The following LRMDA variants were observed in gnomAD, a reference collection of about 807,000 sequenced individuals.
The protein encoded by LRMDA is leucine rich melanocyte differentiation associated.
LRMDA carries 18 observed loss-of-function variants against 29.8 expected under a neutral mutation model. The observed-to-expected ratio is 0.60, with a 90% CI of 0.42 to 0.90. The LOEUF (loss-of-function observed/expected upper bound fraction) is 0.90. Among genes scored for constraint, LRMDA ranks in the 40% least tolerant of loss-of-function variants. The probability of loss-of-function intolerance (pLI) is 0.00; values close to 1 mark genes in which losing one functional copy is unlikely to be tolerated. For missense variants in LRMDA, 273 were observed against 273.9 expected, an observed-to-expected ratio of 1.00 and a Z score of 0.02; for synonymous variants, 125 against 109.4, an observed-to-expected ratio of 1.14 and a Z score of -0.89.
intron 2 of LRMDA, among the ~76,000 whole-genome samples, chr10:75,621,632 G>A (rs1841187789): frequency 2.0e-5 from 3 of 152,220 alleles, no homozygotes; most frequent in Admixed American, 2.0e-4. Flanking sequence ...AAACAGGTCT[G>A]TGGGGAGCAA....
chr10:76,370,013 C>A (rs79125688), intron 6 of LRMDA, among the ~76,000 whole-genome samples: 15,985 of 151,940 alleles, frequency 0.11, 971 homozygotes, highest in East Asian at 0.3. Context: ...CAAGACTGTA[C>A]CTATAATTTA....
chr10:75,726,176 G>A (rs1278387100), intron 2 of LRMDA, among the ~76,000 whole-genome samples: 1 of 152,234 alleles, frequency 6.6e-6, no homozygotes, highest in Non-Finnish European at 1.5e-5. Context: ...GAAGGGCCCT[G>A]TTAACTGGGG....
chr10:75,836,325 A>G (rs1391960993), intron 2 of LRMDA, among the ~76,000 whole-genome samples: 1 of 152,210 alleles, frequency 6.6e-6, no homozygotes, highest in Non-Finnish European at 1.5e-5. Context: ...GTCCTCCACA[A>G]GCAAACCAGG....
At chr10:75,954,271 T>C (rs1846627534) in intron 2 of LRMDA, among the ~76,000 whole-genome samples, 1 of 152,164 alleles carries the variant, frequency 6.6e-6, no homozygotes, top group Non-Finnish European at 1.5e-5. Context: ...AGAACCCAGC[T>C]GAGGGGTGGA....
chr10:75,707,336 G>C (rs1842381860), intron 2 of LRMDA, among the ~76,000 whole-genome samples: 1 of 152,200 alleles, frequency 6.6e-6, no homozygotes, highest in Non-Finnish European at 1.5e-5. Context: ...ACTGAAGGCT[G>C]CTCTGAAAGA....
intron 2 of LRMDA, among the ~76,000 whole-genome samples, chr10:75,638,566 A>G (rs1369053963): frequency 6.6e-6 from 1 of 151,836 alleles, no homozygotes; most frequent in African/African-American, 2.4e-5. Context: ...ATTTGATGAA[A>G]CCGTTTGTGA....
intron 6 of LRMDA, among the ~76,000 whole-genome samples, chr10:76,373,043 G>T (rs766928380): frequency 2.0e-5 from 3 of 152,108 alleles, no homozygotes; most frequent in African/African-American, 2.4e-5. Context: ...AGACCATGTG[G>T]AATCTAGCAT....
chr10:75,845,813 G>A (rs901459664), intron 2 of LRMDA, among the ~76,000 whole-genome samples: 12 of 152,290 alleles, frequency 7.9e-5, no homozygotes, highest in African/African-American at 1.9e-4. Flanking sequence ...GGCCCTCTGC[G>A]TTGCATCCTT....
rs146552376 is a variant in LRMDA at position 76,365,062 on chromosome 10, GTA to G, written c.601+40586_601+40587del. Among the ~76,000 whole-genome samples the G allele has an allele frequency of 8.4e-4, 80 of 95,796 alleles. 1 individual carries two copies. The highest frequency in any genetic ancestry group is 2.6e-3 in the African/African-American group (61 of 23,114). 62.8% of individuals were successfully genotyped at this position (95,796 alleles called of 152,430 possible). A position where few individuals can be genotyped will look rare whatever the true frequency, so the allele number is the denominator to read the frequency against. ...TTTTATGGCTGCATAGTATTCCATCGTATATATATACACACACACACACATAT... is the reference window on the plus strand; with the variant it reads ...TTTTATGGCTGCATAGTATTCCATCGTATATATACACACACACACACATAT... On this transcript the variant is annotated intron_variant, in intron 6 of 6. Coordinates refer to ENST00000611255, the MANE Select transcript of LRMDA (RefSeq NM_001305581.2).
chr10:76,540,188 G>T (rs1843338193), intron 6 of LRMDA, among the ~76,000 whole-genome samples: 1 of 150,538 alleles, frequency 6.6e-6, no homozygotes, highest in Non-Finnish European at 1.5e-5. Context: ...ACACACATTA[G>T]TGCCTGCACA....
intron 5 of LRMDA, among the ~76,000 whole-genome samples, chr10:76,100,677 A>T (rs1355686394): frequency 2.0e-5 from 3 of 152,166 alleles, no homozygotes; most frequent in Non-Finnish European, 4.4e-5. Context: ...CATTTTCCTC[A>T]GATACAGTAT....
intron 5 of LRMDA, among the ~76,000 whole-genome samples, chr10:76,065,174 T>G (rs1848763398): frequency 6.6e-6 from 1 of 152,248 alleles, no homozygotes; most frequent in African/African-American, 2.4e-5. Flanking sequence ...CTTAAAGATT[T>G]TGTATTTCTC....
intron 6 of LRMDA, among the ~76,000 whole-genome samples, chr10:76,542,455 T>A (rs987177216): frequency 1.3e-5 from 2 of 152,196 alleles, no homozygotes; most frequent in Non-Finnish European, 2.9e-5. Flanking sequence ...ACTGCCGTGA[T>A]GAGATATAAC....
At chr10:76,518,851 C>T (rs1843090831) in intron 6 of LRMDA, among the ~76,000 whole-genome samples, 1 of 152,116 alleles carries the variant, frequency 6.6e-6, no homozygotes. Flanking sequence ...GAACTGTGCA[C>T]AGAGAACACA....
chr10:75,872,609 G>A (rs1213928305), intron 2 of LRMDA, among the ~76,000 whole-genome samples: 1 of 152,060 alleles, frequency 6.6e-6, no homozygotes. Flanking sequence ...TGGCTGATTT[G>A]TTCTATTCTC....
At chr10:75,765,235 A>G (rs1207562626) in intron 2 of LRMDA, among the ~76,000 whole-genome samples, 13 of 149,194 alleles carry the variant, frequency 8.7e-5, no homozygotes, top group Non-Finnish European at 8.9e-5. Context: ...TTCTTTTCCT[A>G]CCTCTGAGAT....
chr10:76,369,871 T>C (rs1281178444), intron 6 of LRMDA, among the ~76,000 whole-genome samples: 2 of 152,186 alleles, frequency 1.3e-5, no homozygotes, highest in Non-Finnish European at 2.9e-5. Flanking sequence ...AAGGGTTCCA[T>C]AGATCCTTGC....
At chr10:76,479,119 G>A (rs753289587) in intron 6 of LRMDA, among the ~76,000 whole-genome samples, 1 of 150,722 alleles carries the variant, frequency 6.6e-6, no homozygotes, top group Non-Finnish European at 1.5e-5. Flanking sequence ...AGAATGAAAG[G>A]TTTCATAATA....
chr10:75,521,582 G>A (rs1845359884), intron 2 of LRMDA, among the ~76,000 whole-genome samples: 2 of 152,156 alleles, frequency 1.3e-5, no homozygotes, highest in Admixed American at 1.3e-4. Context: ...GTATTTGGTT[G>A]GGAGTGTCCC....
Sources: allele counts gnomAD v4.1 joint callset (sites outside exome capture counted in the v4.1 genomes callset), GRCh38; gene constraint gnomAD v4.1.1; transcripts MANE v1.5; gene names NCBI Gene and HGNC (gene_info 2026-07-23, HGNC 2026-07-21).